The following ZFHX4 variants were observed in gnomAD, a reference collection of about 807,000 sequenced individuals.
ZFHX4 encodes the protein zinc finger homeobox protein 4.
ZFHX4 carries 56 observed loss-of-function variants against 267.6 expected under a neutral mutation model. The ratio of observed to expected loss-of-function variants is 0.21; its 90% CI spans 0.17 to 0.26. The LOEUF is 0.26. ZFHX4 is among the 10% of genes least tolerant of loss of function. ZFHX4 has a pLI of 1.00. For missense variants in ZFHX4, 4,332 were observed against 4,420.0 expected (o/e 0.98, Z 0.56); for synonymous variants, 1,778 against 1,665.6 (o/e 1.07, Z -1.64).
rs559625650 is a variant in ZFHX4 at position 76,845,299 on chromosome 8, T to G, written c.3511+2528T>G. The stretch of plus-strand genomic sequence containing the variant: ...ATCTAGTGCCACTTTAGATTAATTA[T>G]AATCCAAATTATAGCCCTGTGCAGT... On this transcript the variant is annotated intron_variant, in intron 6 of 10. Transcript: ENST00000651372. Among the ~76,000 whole-genome samples the G allele has an allele frequency of 2.6e-5, 4 of 152,234 alleles. No homozygotes were observed. The East Asian group carries it at 7.7e-4, about 29-fold the overall frequency.
intron 4 of ZFHX4, among the ~76,000 whole-genome samples, chr8:76,824,407 G>A (rs977953212): frequency 3.9e-5 from 6 of 151,952 alleles, no homozygotes; most frequent in Admixed American, 6.6e-5. Context: ...GAGATTGTTC[G>A]TATCTTCTCA....
At chr8:76,689,799 G>A (rs1415942712) in intron 1 of ZFHX4, among the ~76,000 whole-genome samples, 1 of 152,030 alleles carries the variant, frequency 6.6e-6, no homozygotes, top group Admixed American at 6.6e-5. Context: ...GCCACTTTAA[G>A]GCATATTTGA....
intron 6 of ZFHX4, among the ~76,000 whole-genome samples, chr8:76,845,192 G>A (rs950103687): frequency 8.5e-5 from 13 of 152,126 alleles, no homozygotes; most frequent in African/African-American, 1.9e-4. Context: ...AAAATGAGAC[G>A]TGGCAATATG....
intron 3 of ZFHX4, among the ~76,000 whole-genome samples, chr8:76,749,740 C>T (rs1157817137): frequency 6.6e-6 from 1 of 152,074 alleles, no homozygotes; most frequent in Admixed American, 6.5e-5. Context: ...TTACCCAATA[C>T]ATGTTGTTTA....
intron 3 of ZFHX4, among the ~76,000 whole-genome samples, chr8:76,710,157 A>G (rs1296213637): frequency 6.6e-6 from 1 of 152,164 alleles, no homozygotes; most frequent in Non-Finnish European, 1.5e-5. Flanking sequence ...CAGCAAATAA[A>G]CTTTGAACAA....
intron 3 of ZFHX4, among the ~76,000 whole-genome samples, chr8:76,738,661 C>T (rs964239173): frequency 6.8e-5 from 8 of 117,522 alleles, no homozygotes; most frequent in South Asian, 6.9e-4. Context: ...TTTCCTTCCT[C>T]CCTCCCTCCC....
chr8:76,836,477 A>C (rs1013079102), intron 5 of ZFHX4, among the ~76,000 whole-genome samples: 1 of 152,092 alleles, frequency 6.6e-6, no homozygotes, highest in Non-Finnish European at 1.5e-5. Context: ...AGGAAATGAC[A>C]AGTGAGCCGA....
intron 1 of ZFHX4, among the ~76,000 whole-genome samples, chr8:76,701,752 A>T (rs1199931112): frequency 6.6e-6 from 1 of 152,142 alleles, no homozygotes; most frequent in Admixed American, 6.5e-5. Context: ...CTTTTTTACA[A>T]AGCTGTAAAA....
At chr8:76,778,516 C>G (rs370514505) in intron 4 of ZFHX4, 77 bp downstream of exon 4, 1 of 1,168,340 alleles carries the variant, frequency 8.6e-7, no homozygotes. Flanking sequence ...CACAAACACA[C>G]ACACACACGC....
In ZFHX4 at chr8:76,849,655, G is replaced by T. The variant is rs1443267875; in HGVS notation, c.3789G>T (p.Leu1263=). The T allele has an allele frequency of 6.2e-7, 1 of 1,613,762 alleles. No homozygotes were observed. The change falls in exon 8 of 11, where the codon CTG becomes CTT. Residue 1263 remains leucine, a synonymous_variant. Transcript: ENST00000651372. ...DVLSNKMHLQ[L]HLTHLHSVSP... is the part of the protein sequence containing the mutation. ...TCAGCAACAAAATGCATCTCCAACT[G>T]CATCTGACGCATTTGCACAGTGTGT...
At position 76,786,378 on chromosome 8, in the gene ZFHX4, A is replaced by G. The variant is rs186403498; in HGVS notation, c.3325+7939A>G. On this transcript the variant is annotated intron_variant, in intron 4 of 10. Coordinates refer to ENST00000651372, the MANE Select transcript of ZFHX4 (RefSeq NM_024721.5). ...TGGAATAGTTTCATGTAAAGTATCT[A>G]GTATGAAGTTAGACATCGATGATCA... Among the ~76,000 whole-genome samples the G allele has an allele frequency of 2.6e-3, 387 of 150,760 alleles. 2 individuals are homozygous for G. Among genetic ancestry groups the G allele is most frequent in the African/African-American group, 9.0e-3 (368 of 40,986 alleles).
At position 76,864,011 on chromosome 8, in the gene ZFHX4, A is replaced by C. The variant is rs781364410; in HGVS notation, c.10297A>C (p.Ile3433Leu). Reference sequence around the variant, plus strand: ...CTTCTGTTATTTCGGTCAGCCTTTGATTGACCCACAAGAGACAGTGCTTCG... The same window carrying C: ...CTTCTGTTATTTCGGTCAGCCTTTGCTTGACCCACAAGAGACAGTGCTTCG... Reference protein sequence around the residue: ...KSFCYFGQPLIDPQETVLRVP... With the variant: ...KSFCYFGQPLLDPQETVLRVP... Residue 3433 changes from isoleucine (I) to leucine (L), a missense_variant, in exon 11 of 11, where the codon ATT becomes CTT. Coordinates refer to ENST00000651372, the MANE Select transcript of ZFHX4 (RefSeq NM_024721.5). The C allele has an allele frequency of 1.5e-5, 24 of 1,613,676 alleles. No individual in the cohort carries two copies. Among genetic ancestry groups the C allele is most frequent in the Non-Finnish European group, 2.0e-5 (24 of 1,179,840 alleles).
chr8:76,853,135 T>C lies in ZFHX4; in HGVS notation c.6214T>C (p.Ser2072Pro). 1 of 1,505,198 alleles carries C rather than the reference T, an allele frequency of 6.6e-7. No individual in the cohort carries two copies. The highest frequency in any genetic ancestry group is 8.9e-7 in the Non-Finnish European group (1 of 1,121,786). The allele number at this position is 1,505,198 out of a possible 1,614,324, so 93.2% of individuals were successfully genotyped here. A position where few individuals can be genotyped will look rare whatever the true frequency, so the allele number is the denominator to read the frequency against. Residue 2072 changes from serine (S) to proline (P), a missense_variant, in exon 10 of 11, where the codon TCT becomes CCT. Ser to Pro is a moderately conservative substitution (Grantham distance 74). Transcript: ENST00000651372. ...TCCTCCACAGGTCCAACTGCCGGTT[T>C]CTCTGGACCTGCCGCTCTTTCCTTC... ...SAPPQVQLPV[S>P]LDLPLFPSIM...
chr8:76,769,709 A>G (rs769206307), intron 3 of ZFHX4, among the ~76,000 whole-genome samples: 2 of 152,174 alleles, frequency 1.3e-5, no homozygotes, highest in Non-Finnish European at 2.9e-5. Flanking sequence ...TGTGGAGTCA[A>G]AGGGTCACTT....
rs778455392 is a variant in ZFHX4, at chr8:76,852,809, G to T, written c.5888G>T (p.Ser1963Ile). Residue 1963 changes from serine to isoleucine, a missense_variant, in exon 10 of 11, where the codon AGT becomes ATT. Transcript: ENST00000651372. ...KLFSNVLILK[S>I]HQEHVHGQFF... ...TTTTCCAATGTTCTTATTTTAAAGA[G>T]TCACCAAGAACATGTACATGGGCAA... 1.2e-6 allele frequency: 2 copies of T among 1,613,720 alleles called. No homozygotes were observed. Among genetic ancestry groups the T allele is most frequent in the Non-Finnish European group, 1.7e-6 (2 of 1,179,796 alleles).
intron 3 of ZFHX4, among the ~76,000 whole-genome samples, chr8:76,713,643 A>G (rs1362890033): frequency 6.6e-6 from 1 of 152,190 alleles, no homozygotes; most frequent in African/African-American, 2.4e-5. Flanking sequence ...AAGATTACCT[A>G]TCTAATTCCC....
intron 3 of ZFHX4, among the ~76,000 whole-genome samples, chr8:76,722,791 C>T (rs562441096): frequency 5.0e-4 from 76 of 151,954 alleles, no homozygotes; most frequent in Non-Finnish European, 7.2e-4. Flanking sequence ...TACATCCACT[C>T]TATTGGTGTT....
intron 1 of ZFHX4, among the ~76,000 whole-genome samples, chr8:76,698,763 A>G (rs1024795725): frequency 6.6e-6 from 1 of 152,140 alleles, no homozygotes; most frequent in Non-Finnish European, 1.5e-5. Context: ...TCTACTTAAA[A>G]AATGTGCCTG....
At chr8:76,682,899 C>G (rs1483304432) in intron 1 of ZFHX4, among the ~76,000 whole-genome samples, 1 of 152,132 alleles carries the variant, frequency 6.6e-6, no homozygotes, top group Non-Finnish European at 1.5e-5. Flanking sequence ...CCCCCAACCC[C>G]CTTCTCGCTC....
Sources: gnomAD v4.1 joint callset for allele counts (sites outside exome capture counted in the v4.1 genomes callset) on GRCh38, gnomAD v4.1.1 for gene constraint, MANE v1.5 for transcripts, NCBI Gene and HGNC (gene_info 2026-07-23, HGNC 2026-07-21) for gene names.